DOCK4: variants seen among roughly 807,000 people sequenced by gnomAD.
The protein encoded by DOCK4 is dedicator of cytokinesis 4, also known as dedicator of cytokinesis protein 4.
A neutral mutation model predicts 268.1 loss-of-function variants in DOCK4; 97 were observed. That is an observed-to-expected ratio of 0.36 (90% confidence interval 0.31 to 0.43). The LOEUF (loss-of-function observed/expected upper bound fraction) is 0.43. DOCK4 is among the 20% of genes least tolerant of loss of function. The probability of loss-of-function intolerance (pLI) is 1.00; values close to 1 mark genes in which losing one functional copy is unlikely to be tolerated. For missense variants in DOCK4, 2,145 were observed against 2,455.7 expected, an observed-to-expected ratio of 0.87 and a Z score of 2.67; for synonymous variants, 954 against 887.2, an observed-to-expected ratio of 1.08 and a Z score of -1.34.
At chr7:112,200,725 T>TCAAAAAAAAAA (rs1554478846) in intron 1 of DOCK4, among the ~76,000 whole-genome samples, 1 of 102,766 alleles carries the variant, frequency 9.7e-6, no homozygotes, top group African/African-American at 3.3e-5. Context: ...GCCTCTAAAA[T>TCAAAAAAAAAA]AAAAAAAAAA....
intron 16 of DOCK4, among the ~76,000 whole-genome samples, chr7:111,890,648 G>A (rs1439275502): frequency 6.6e-6 from 1 of 152,136 alleles, no homozygotes; most frequent in Non-Finnish European, 1.5e-5. Flanking sequence ...GGTGAGTCCA[G>A]GTCCTTGACA....
chr7:112,082,441 G>T (rs1325736321), intron 1 of DOCK4, among the ~76,000 whole-genome samples: 2 of 152,116 alleles, frequency 1.3e-5, no homozygotes, highest in African/African-American at 4.8e-5. Flanking sequence ...GGTTGCTGTG[G>T]TACAAAATCT....
intron 16 of DOCK4, among the ~76,000 whole-genome samples, chr7:111,885,828 C>G (rs551984673): frequency 6.6e-6 from 1 of 152,246 alleles, no homozygotes; most frequent in African/African-American, 2.4e-5. Flanking sequence ...CAGACTCTTA[C>G]AGAATTATTA....
In DOCK4 at chr7:111,928,466, C is replaced by T. The variant is rs113850274; in HGVS notation, c.1066+7074G>A. ...TGCATGAACTTTAAAAAATATCTTACGGTGTAATGTAGTAACATATTTTGA... is the reference window on the plus strand; with the variant it reads ...TGCATGAACTTTAAAAAATATCTTATGGTGTAATGTAGTAACATATTTTGA... On this transcript the variant is annotated intron_variant, in intron 12 of 52. Coordinates refer to ENST00000428084, the MANE Select transcript of DOCK4 (RefSeq NM_001363540.2). 4.3e-3 allele frequency among the ~76,000 whole-genome samples: 660 copies of T among 151,724 alleles called. 9 individuals carry two copies. The highest frequency in any genetic ancestry group is 0.015 in the African/African-American group (608 of 41,316).
At chr7:111,816,702 G>A (rs536588606) in intron 27 of DOCK4, among the ~76,000 whole-genome samples, 34 of 152,338 alleles carry the variant, frequency 2.2e-4, no homozygotes, top group African/African-American at 8.2e-4. Flanking sequence ...ACTAGTAAGT[G>A]TATGTTAAAT....
chr7:112,068,624 T>C (rs1807293115), intron 1 of DOCK4, among the ~76,000 whole-genome samples: 1 of 152,210 alleles, frequency 6.6e-6, no homozygotes. Flanking sequence ...CCTTAGGCAA[T>C]GAGAAGCCTA....
intron 1 of DOCK4, among the ~76,000 whole-genome samples, chr7:112,032,134 C>A (rs1803333909): frequency 6.6e-6 from 1 of 151,454 alleles, no homozygotes; most frequent in South Asian, 2.1e-4. Context: ...ATTTTGATAG[C>A]AAAAAAAATG....
intron 12 of DOCK4, among the ~76,000 whole-genome samples, chr7:111,918,706 C>A (rs142140458): frequency 6.6e-5 from 10 of 152,294 alleles, no homozygotes; most frequent in Admixed American, 2.0e-4. Flanking sequence ...TTACCATCAT[C>A]ATTAGCATCA....
At chr7:112,004,641 T>C (rs952163802) in intron 1 of DOCK4, among the ~76,000 whole-genome samples, 8 of 152,206 alleles carry the variant, frequency 5.3e-5, no homozygotes, top group Non-Finnish European at 1.0e-4. Context: ...TGCATCCATT[T>C]GCTTACCATT....
chr7:111,731,919 G>C (rs17545234), intron 52 of DOCK4, among the ~76,000 whole-genome samples: 6,579 of 152,214 alleles, frequency 0.043, 180 homozygotes, highest in South Asian at 0.087. Flanking sequence ...AGTTTCCTAG[G>C]AGGTACATTA....
intron 1 of DOCK4, among the ~76,000 whole-genome samples, chr7:112,080,192 T>C (rs1808454043): frequency 6.6e-6 from 1 of 152,152 alleles, no homozygotes; most frequent in South Asian, 2.1e-4. Flanking sequence ...AGACAAAATA[T>C]AGGATGCCAA....
chr7:111,986,464 A>G (rs538891542), intron 6 of DOCK4, among the ~76,000 whole-genome samples: 63 of 152,280 alleles, frequency 4.1e-4, no homozygotes, highest in African/African-American at 1.5e-3. Context: ...ACATCTTCCC[A>G]TGGTTTGAGG....
chr7:111,810,409 G>A (rs1050946554), intron 28 of DOCK4, among the ~76,000 whole-genome samples: 4 of 151,646 alleles, frequency 2.6e-5, no homozygotes, highest in South Asian at 2.1e-4. Flanking sequence ...CCGAGATTGC[G>A]CCACTGCACT....
intron 1 of DOCK4, among the ~76,000 whole-genome samples, chr7:112,203,851 A>G (rs1821155928): frequency 6.6e-6 from 1 of 151,862 alleles, no homozygotes; most frequent in Admixed American, 6.6e-5. Context: ...ACACACACAC[A>G]CACACACACA....
At chr7:111,834,713 A>T in intron 25 of DOCK4, 27 bp from the exon 26 acceptor site, 1 of 1,429,206 alleles carries the variant, frequency 7.0e-7, no homozygotes, top group Middle Eastern at 1.8e-4. Flanking sequence ...AAAAGCATAC[A>T]TTTTATTTTT....
intron 8 of DOCK4, among the ~76,000 whole-genome samples, chr7:111,947,563 G>A (rs187019292): frequency 2.1e-5 from 3 of 145,458 alleles, no homozygotes; most frequent in Non-Finnish European, 3.0e-5. Context: ...GTTCACATGT[G>A]ATATTATTCC....
In DOCK4 at chr7:111,977,189, C is replaced by T; in HGVS notation, c.644G>A (p.Gly215Glu). 1.9e-6 allele frequency: 3 copies of T among 1,612,586 alleles called. No homozygotes were observed. The highest frequency in any genetic ancestry group is 2.5e-6 in the Non-Finnish European group (3 of 1,179,434). Residue 215 changes from glycine to glutamate, a missense_variant, in exon 8 of 53, where the codon GGA becomes GAA. This residue lies in a region of DOCK4 where 1,598 missense variants were observed against 1,986.7 expected (regional missense o/e 0.80). Transcript: ENST00000428084. ...TGAGAAGATGACCTCCAGCTCCTCT[C>T]CCAGGTTGGAACACATGAGGCTCTT... is the stretch of plus-strand genomic sequence containing the variant. ...QMKSLMCSNL[G>E]EELEVIFSLF...
chr7:112,069,248 G>A (rs549423802), intron 1 of DOCK4, among the ~76,000 whole-genome samples: 11 of 152,312 alleles, frequency 7.2e-5, no homozygotes, highest in African/African-American at 2.6e-4. Flanking sequence ...CTCCTGAGAA[G>A]ATTGAGTTAT....
rs543385440 is a variant in DOCK4 at position 112,083,046 on chromosome 7, T to C, written c.38-78915A>G. ...TAGCACTAATTATAATTAGCATTAATTGTAGCCCCAAATAAATATTCTAAT... is the reference window on the plus strand; with the variant it reads ...TAGCACTAATTATAATTAGCATTAACTGTAGCCCCAAATAAATATTCTAAT... On this transcript the variant is annotated intron_variant, in intron 1 of 52. Coordinates refer to ENST00000428084, the MANE Select transcript of DOCK4 (RefSeq NM_001363540.2). Among the ~76,000 whole-genome samples, 5 of 152,260 alleles carry C rather than the reference T, an allele frequency of 3.3e-5. No individual in the cohort carries two copies. The South Asian group carries it at 1.0e-3, about 32-fold the overall frequency.
Sources: gnomAD v4.1 joint callset for allele counts (sites outside exome capture counted in the v4.1 genomes callset) on GRCh38, gnomAD v4.1.1 for gene constraint, gnomAD v4.1.1 regional missense constraint, MANE v1.5 for transcripts, NCBI Gene and HGNC (gene_info 2026-07-23, HGNC 2026-07-21) for gene names.